The following LMTK2 variants were observed in gnomAD, a reference collection of about 807,000 sequenced individuals.
LMTK2 encodes the protein serine/threonine-protein kinase LMTK2.
In LMTK2, 37 loss-of-function variants were observed where a neutral mutation model predicts 127.5. That is an observed-to-expected ratio of 0.29 (90% CI 0.22 to 0.38). The LOEUF is 0.38. Among genes scored for constraint, LMTK2 ranks in the 10% least tolerant of loss-of-function variants. LMTK2 has a pLI of 1.00. For missense variants in LMTK2, 1,694 were observed against 1,920.3 expected, an observed-to-expected ratio of 0.88 and a Z score of 2.20; for synonymous variants, 819 against 810.1, an observed-to-expected ratio of 1.01 and a Z score of -0.19.
chr7:98,162,901 G>A (rs1226637126), intron 6 of LMTK2, among the ~76,000 whole-genome samples: 1 of 152,182 alleles, frequency 6.6e-6, no homozygotes, highest in African/African-American at 2.4e-5. Context: ...CCATCGATGG[G>A]TGAATGGATA....
intron 6 of LMTK2, among the ~76,000 whole-genome samples, chr7:98,167,025 C>T (rs1202896561): frequency 7.2e-5 from 11 of 152,048 alleles, no homozygotes; most frequent in Non-Finnish European, 1.5e-4. Flanking sequence ...CTTTAATGTC[C>T]AGAGTAATGA....
At chr7:98,157,709 G>C (rs1796949057) in intron 5 of LMTK2, among the ~76,000 whole-genome samples, 1 of 150,630 alleles carries the variant, frequency 6.6e-6, no homozygotes, top group Non-Finnish European at 1.5e-5. Flanking sequence ...GGGGGATTAT[G>C]TTGAGTGAAA....
At chr7:98,177,585 C>T (rs1263216715) in intron 7 of LMTK2, among the ~76,000 whole-genome samples, 1 of 152,204 alleles carries the variant, frequency 6.6e-6, no homozygotes, top group Non-Finnish European at 1.5e-5. Context: ...CTTGCTTGGC[C>T]TTGACTTCCC....
Position 98,154,872 on chromosome 7 carries a change from T to C in LMTK2, c.565T>C (p.Tyr189His). The C allele has an allele frequency of 6.4e-7, 1 of 1,560,714 alleles. No homozygotes were observed. The highest frequency in any genetic ancestry group is 8.8e-7 in the Non-Finnish European group (1 of 1,131,270). ...QDTFLKNGEP[Y>H]YILQHPNILQ... Reference sequence around the variant, plus strand: ...TACTTTTTTGAAAAATGGAGAACCTTACTAGTAAGTAAACCTTGTCATGTG... The same window carrying C: ...TACTTTTTTGAAAAATGGAGAACCTCACTAGTAAGTAAACCTTGTCATGTG... Residue 189 changes from tyrosine to histidine, a missense_variant, in exon 5 of 14, where the codon TAC becomes CAC. Around this residue, in one of 8 missense-constraint regions of LMTK2, gnomAD observed 203 missense variants for 226.2 expected, o/e 0.90. Transcript: ENST00000297293.
At chr7:98,133,075 A>G (rs73710376) in intron 1 of LMTK2, among the ~76,000 whole-genome samples, 9 of 152,224 alleles carry the variant, frequency 5.9e-5, no homozygotes, top group African/African-American at 1.7e-4. Flanking sequence ...TTTGAAAACT[A>G]TTAAATGAAA....
At chr7:98,159,202 T>C in intron 5 of LMTK2, 136 bp from the exon 6 acceptor site, 7 of 508,750 alleles carry the variant, frequency 1.4e-5, no homozygotes. Context: ...TAGCCTGTCA[T>C]TTATGTAAAT....
chr7:98,187,567 A>G (rs1385464655), intron 9 of LMTK2, among the ~76,000 whole-genome samples: 1 of 151,160 alleles, frequency 6.6e-6, no homozygotes, highest in Non-Finnish European at 1.5e-5. Flanking sequence ...GGACATATTT[A>G]TGGGGTACAG....
At chr7:98,122,847 C>T (rs1796385424) in intron 1 of LMTK2, among the ~76,000 whole-genome samples, 1 of 152,018 alleles carries the variant, frequency 6.6e-6, no homozygotes, top group Non-Finnish European at 1.5e-5. Context: ...TGCTTTTCTC[C>T]TCTGCCTTCC....
Position 98,194,123 on chromosome 7 carries a change from G to T in LMTK2, c.3658G>T (p.Asp1220Tyr), listed in dbSNP as rs35912712. The T allele has an allele frequency of 1.9e-6, 3 of 1,614,074 alleles. No individual in the cohort carries two copies. The highest frequency in any genetic ancestry group is 2.5e-6 in the Non-Finnish European group (3 of 1,180,038). ...SSGDDFETQDDRPCTLASTGT... is the reference protein window; with the variant it reads ...SSGDDFETQDYRPCTLASTGT... ...CGGCGATGACTTCGAGACACAGGAC[G>T]ATCGCCCCTGCACCCTCGCTTCCAC... is the stretch of plus-strand genomic sequence containing the variant. Residue 1220 changes from aspartate (D) to tyrosine (Y), a missense_variant, in exon 11 of 14, where the codon GAT becomes TAT. This residue lies in a region of LMTK2 where 554 missense variants were observed against 567.7 expected (regional missense o/e 0.98). Transcript: ENST00000297293. This position sits in a 1 kb window ranked among gnomAD's most constrained non-coding sequence, Gnocchi z 5.4.
At position 98,165,068 on chromosome 7, in the gene LMTK2, T is replaced by C. The variant is rs1411431254; in HGVS notation, c.657+5643T>C. On this transcript the variant is annotated intron_variant, in intron 6 of 13. Coordinates refer to ENST00000297293, the MANE Select transcript of LMTK2 (RefSeq NM_014916.4). The stretch of plus-strand genomic sequence containing the variant: ...GCATCCGCTGGCTGTCCTTTGACAG[T>C]AGTGCGTTGCTCTGTGGGACTTGGG... Among the ~76,000 whole-genome samples, 5 of 152,220 alleles carry C rather than the reference T, an allele frequency of 3.3e-5. No individual in the cohort carries two copies. The East Asian group carries it at 9.6e-4, about 29-fold the overall frequency.
intron 6 of LMTK2, among the ~76,000 whole-genome samples, chr7:98,169,191 T>C (rs1191550018): frequency 6.6e-6 from 1 of 152,228 alleles, no homozygotes; most frequent in Non-Finnish European, 1.5e-5. Flanking sequence ...ATGAGAACCA[T>C]GACCAGGGGC....
chr7:98,163,389 T>C (rs1002202776), intron 6 of LMTK2, among the ~76,000 whole-genome samples: 2 of 152,170 alleles, frequency 1.3e-5, no homozygotes, highest in Non-Finnish European at 2.9e-5. Context: ...GGATGCCCTT[T>C]GGAAATCTTT....
chr7:98,135,272 T>C (rs1796581135), intron 1 of LMTK2, among the ~76,000 whole-genome samples: 1 of 152,134 alleles, frequency 6.6e-6, no homozygotes, highest in South Asian at 2.1e-4. Flanking sequence ...TTTTGGTGCA[T>C]TTGAACACTT....
intron 1 of LMTK2, among the ~76,000 whole-genome samples, chr7:98,136,681 A>T (rs1431469669): frequency 1.3e-5 from 2 of 152,216 alleles, no homozygotes; most frequent in East Asian, 3.9e-4. Flanking sequence ...GGCATAGGTC[A>T]TGCGCCCTGC....
chr7:98,194,035 G>A lies in LMTK2; in HGVS notation c.3570G>A (p.Gln1190=). 1 of 1,614,146 alleles carries A rather than the reference G, an allele frequency of 6.2e-7. No homozygotes were observed. Among genetic ancestry groups the A allele is most frequent in the Non-Finnish European group, 8.5e-7 (1 of 1,180,044 alleles). ...CAGCACAGACTGGTGTTCCCCAGCA[G>A]GTGCATCCCACGGAAGACGAGGCCA... The part of the protein sequence containing the change: ...PEPAQTGVPQ[Q]VHPTEDEASS... Residue 1190 remains glutamine (Q), a synonymous_variant, in exon 11 of 14, where the codon CAG becomes CAA. Coordinates refer to ENST00000297293, the MANE Select transcript of LMTK2 (RefSeq NM_014916.4). This position sits in a 1 kb window ranked among gnomAD's most constrained non-coding sequence, Gnocchi z 5.4.
chr7:98,122,613 C>A (rs1323964171), intron 1 of LMTK2, among the ~76,000 whole-genome samples: 1 of 152,020 alleles, frequency 6.6e-6, no homozygotes, highest in Non-Finnish European at 1.5e-5. Flanking sequence ...CTCTTTGTCT[C>A]CTGCTCCTGG....
Position 98,130,153 on chromosome 7 carries a change from G to T in LMTK2, c.104-7162G>T, listed in dbSNP as rs537808131. 8.5e-5 allele frequency among the ~76,000 whole-genome samples: 13 copies of T among 152,218 alleles called. No individual in the cohort carries two copies. In the East Asian group the frequency reaches 2.3e-3, roughly 27 times the overall value. ...GATCCATCTGGAAGGATGGAGAGAG[G>T]GTCATCATAGCTCATAGTAGAGAGC... On this transcript the variant is annotated intron_variant, in intron 1 of 13. Transcript: ENST00000297293.
At chr7:98,179,027 C>T (rs887650078) in intron 7 of LMTK2, among the ~76,000 whole-genome samples, 5 of 152,128 alleles carry the variant, frequency 3.3e-5, no homozygotes, top group Non-Finnish European at 7.4e-5. Flanking sequence ...GGGGCAGGAC[C>T]CAGTCCTGCC....
intron 6 of LMTK2, among the ~76,000 whole-genome samples, chr7:98,168,414 G>A (rs1055923928): frequency 6.6e-6 from 1 of 152,238 alleles, no homozygotes; most frequent in Non-Finnish European, 1.5e-5. Flanking sequence ...GAGGCGTGGC[G>A]GCGTCAGCTG....
Sources: allele counts gnomAD v4.1 joint callset (sites outside exome capture counted in the v4.1 genomes callset), GRCh38; gene constraint gnomAD v4.1.1; regional missense constraint gnomAD v4.1.1; non-coding constraint Gnocchi (gnomAD v3.1); transcripts MANE v1.5; gene names NCBI Gene and HGNC (gene_info 2026-07-23, HGNC 2026-07-21).